Variants in IPO5 observed in about 807,000 individuals in gnomAD.
IPO5 encodes the protein importin 5.
A neutral mutation model predicts 143.3 loss-of-function variants in IPO5; 18 were observed. The ratio of observed to expected loss-of-function variants is 0.13; its 90% CI spans 0.09 to 0.19. The LOEUF (loss-of-function observed/expected upper bound fraction) is 0.19. IPO5 is among the 10% of genes least tolerant of loss of function. The pLI is 1.00. For missense variants in IPO5, 1,013 were observed against 1,336.9 expected (o/e 0.76, Z 3.78); for synonymous variants, 477 against 465.7 (o/e 1.02, Z -0.31).
rs1594110293 is a variant in IPO5 at position 98,006,228 on chromosome 13, T to C, written c.1596T>C (p.Asp532=). ...TAEEKFVPYY[D]LFMPSLKHIV... is the part of the protein sequence containing the mutation. ...AAGAAAAATTTGTCCCCTACTATGA[T>C]TTATTTATGCCATCACTGAAGCACA... The change falls in exon 17 of 29, where the codon GAT becomes GAC. Residue 532 remains aspartate (D), a synonymous_variant. Coordinates refer to ENST00000651721, the MANE Select transcript of IPO5 (RefSeq NM_002271.6). 1 of 1,613,768 alleles carries C rather than the reference T, an allele frequency of 6.2e-7. No individual in the cohort carries two copies. Among genetic ancestry groups the C allele is most frequent in the Non-Finnish European group, 8.5e-7 (1 of 1,179,734 alleles).
At chr13:97,986,378 G>A (rs1432557280) in intron 6 of IPO5, among the ~76,000 whole-genome samples, 2 of 150,242 alleles carry the variant, frequency 1.3e-5, no homozygotes, top group East Asian at 2.0e-4. Flanking sequence ...TTTTTGAGAC[G>A]GAGTTTCGCT....
intron 12 of IPO5, among the ~76,000 whole-genome samples, chr13:98,000,284 C>G (rs75065502): frequency 8.4e-6 from 1 of 118,652 alleles, no homozygotes; most frequent in African/African-American, 3.2e-5. Flanking sequence ...GACTCTGTCT[C>G]AAAAAAAAAA....
At chr13:97,977,297 C>T (rs535073174) in intron 4 of IPO5, among the ~76,000 whole-genome samples, 1 of 152,190 alleles carries the variant, frequency 6.6e-6, no homozygotes, top group African/African-American at 2.4e-5. Context: ...AAATATGTGC[C>T]CTGCCTTGTC....
At position 97,974,525 on chromosome 13, in the gene IPO5, G is replaced by C. The variant is rs531778471; in HGVS notation, c.-4-2168G>C. ...GGCTTTCACCATGTTGGCCAGGCTCGTCTCGAACTCCTGACCTCAGGTGAT... is the reference window on the plus strand; with the variant it reads ...GGCTTTCACCATGTTGGCCAGGCTCCTCTCGAACTCCTGACCTCAGGTGAT... On this transcript the variant is annotated intron_variant, in intron 3 of 28. Transcript: ENST00000651721. Among the ~76,000 whole-genome samples the C allele has an allele frequency of 7.2e-5, 11 of 151,816 alleles. No homozygotes were observed. In the East Asian group the frequency reaches 1.9e-3, roughly 27 times the overall value.
At chr13:98,011,373 C>T (rs1889700927) in intron 20 of IPO5, among the ~76,000 whole-genome samples, 1 of 152,154 alleles carries the variant, frequency 6.6e-6, no homozygotes, top group Admixed American at 6.5e-5. Flanking sequence ...TCACTGCAGC[C>T]TCCGTCTCCT....
In IPO5 at chr13:97,990,175, A is replaced by G; in HGVS notation, c.517A>G (p.Ile173Val). The change falls in exon 8 of 29, where the codon ATC (isoleucine) becomes GTC (valine). Residue 173 changes from isoleucine to valine, a missense_variant. By Grantham distance (29) the Ile-to-Val change is conservative. Around this residue, in one of 2 missense-constraint regions of IPO5, gnomAD observed 328 missense variants for 342.0 expected, o/e 0.96. Transcript: ENST00000651721. ...GNQQQHYLDVIKRMLVQCMQD... is the reference protein window; with the variant it reads ...GNQQQHYLDVVKRMLVQCMQD... ...CCAGCAACAACACTATTTAGATGTC[A>G]TCAAACGAATGTTAGTTCAGTGTAT... 1 of 1,613,382 alleles carries G rather than the reference A, an allele frequency of 6.2e-7. No homozygotes were observed. Among genetic ancestry groups the G allele is most frequent in the Non-Finnish European group, 8.5e-7 (1 of 1,179,410 alleles).
Position 97,993,195 on chromosome 13 carries a change from A to G in IPO5, c.883A>G (p.Arg295Gly). ...TLSETAAAML[R>G]KHTNIVAQTI... is the part of the protein sequence containing the mutation. ...CTCTGAGACTGCAGCTGCTATGTTA[A>G]GAAAACATACCAATATTGTTGCACA... is the stretch of plus-strand genomic sequence containing the variant. Residue 295 changes from arginine to glycine, a missense_variant, in exon 11 of 29, where the codon AGA (arginine) becomes GGA (glycine). Transcript: ENST00000651721. 1 of 1,613,944 alleles carries G rather than the reference A, an allele frequency of 6.2e-7. No homozygotes were observed. The highest frequency in any genetic ancestry group is 8.5e-7 in the Non-Finnish European group (1 of 1,179,830).
At chr13:97,964,596 C>G (rs1474780990) in intron 2 of IPO5, among the ~76,000 whole-genome samples, 3 of 151,962 alleles carry the variant, frequency 2.0e-5, no homozygotes, top group Middle Eastern at 3.4e-3. Flanking sequence ...TGCCACCACA[C>G]CCAGCTAATT....
chr13:98,012,545 A>G (rs1889792124), intron 21 of IPO5, among the ~76,000 whole-genome samples: 1 of 152,200 alleles, frequency 6.6e-6, no homozygotes, highest in Non-Finnish European at 1.5e-5. Context: ...AACGTGACCT[A>G]TCCTATGTTT....
intron 25 of IPO5, among the ~76,000 whole-genome samples, 156 bp downstream of exon 25, chr13:98,017,007 G>T (rs1890159416): frequency 6.6e-6 from 1 of 152,092 alleles, no homozygotes; most frequent in Non-Finnish European, 1.5e-5. Context: ...CATTACCCTG[G>T]ATATTTTCTC....
At chr13:98,013,670 C>T (rs1468209320) in intron 21 of IPO5, among the ~76,000 whole-genome samples, 1 of 151,994 alleles carries the variant, frequency 6.6e-6, no homozygotes, top group South Asian at 2.1e-4. Flanking sequence ...GGAAGAGGTC[C>T]TCGGTGGTCT....
At chr13:98,013,968 CT>C in intron 21 of IPO5, 73 bp from the exon 22 acceptor site, 1 of 1,329,080 alleles carries the variant, frequency 7.5e-7, no homozygotes, top group Non-Finnish European at 1.0e-6. Flanking sequence ...CCTAGCACTC[CT>C]TTTAGTGCAT....
At chr13:98,008,023 G>C (rs1345329844) in intron 17 of IPO5, 36 bp from the exon 18 acceptor site, 1 of 1,338,446 alleles carries the variant, frequency 7.5e-7, no homozygotes, top group African/African-American at 1.4e-5. Context: ...ACAAAATTCG[G>C]TATCAACAAG....
In IPO5 at chr13:97,982,483, ATTT is replaced by A; in HGVS notation, c.91-11_91-9del. 7 of 1,218,636 alleles carry A rather than the reference ATTT, an allele frequency of 5.7e-6. No individual in the cohort carries two copies. Among genetic ancestry groups the A allele is most frequent in the Non-Finnish European group, 7.9e-6 (7 of 882,448 alleles). 75.5% of individuals were successfully genotyped at this position (1,218,636 alleles called of 1,614,324 possible). ...AGTTTCCTAACATTCTTTCCTAACCATTTTTTTTTTTCCATGCAGGAAACCTAT... is the reference window on the plus strand; with the variant it reads ...AGTTTCCTAACATTCTTTCCTAACCATTTTTTTTCCATGCAGGAAACCTAT... On this transcript the variant is annotated splice_polypyrimidine_tract_variant and intron_variant, in intron 4 of 28. Transcript: ENST00000651721.
In IPO5 at chr13:97,964,447, T is replaced by C. The variant is rs992331279; in HGVS notation, c.-112-5276T>C. ...TTTTCCCAGCACCATTTCTTTCTTTTTTTTTTTTTTTTTTTTTGGAGAATG... is the reference window on the plus strand; with the variant it reads ...TTTTCCCAGCACCATTTCTTTCTTTCTTTTTTTTTTTTTTTTTGGAGAATG... On this transcript the variant is annotated intron_variant, in intron 2 of 28. Coordinates refer to ENST00000651721, the MANE Select transcript of IPO5 (RefSeq NM_002271.6). 2.0e-3 allele frequency among the ~76,000 whole-genome samples: 270 copies of C among 138,428 alleles called. 3 individuals carry two copies. Among genetic ancestry groups the C allele is most frequent in the African/African-American group, 4.5e-3 (158 of 34,914 alleles). The allele number at this position is 138,428 out of a possible 152,430, so 90.8% of individuals were successfully genotyped here. A position where few individuals can be genotyped will look rare whatever the true frequency, so the allele number is the denominator to read the frequency against.
chr13:97,988,457 A>C (rs1278437666), intron 6 of IPO5, among the ~76,000 whole-genome samples: 1 of 152,194 alleles, frequency 6.6e-6, no homozygotes. Context: ...TGTACAGTTA[A>C]AAGTGCTGCC....
intron 2 of IPO5, among the ~76,000 whole-genome samples, chr13:97,966,159 A>G (rs928445812): frequency 2.0e-5 from 3 of 150,924 alleles, no homozygotes; most frequent in Non-Finnish European, 3.0e-5. Flanking sequence ...AAAAAAATAG[A>G]ACTTCCAGTA....
chr13:97,985,658 C>G (rs201082178), intron 6 of IPO5, 45 bp downstream of exon 6: 2 of 1,253,164 alleles, frequency 1.6e-6, no homozygotes, highest in Non-Finnish European at 2.2e-6. Context: ...ATGGGTATAT[C>G]CTTCCTTTTT....
At chr13:97,997,400 G>T (rs1888384961) in intron 11 of IPO5, 131 bp from the exon 12 acceptor site, 1 of 456,974 alleles carries the variant, frequency 2.2e-6, no homozygotes. Context: ...AGGTTTTGGG[G>T]GCACAGACAA....
Sources: allele counts gnomAD v4.1 joint callset (sites outside exome capture counted in the v4.1 genomes callset), GRCh38; gene constraint gnomAD v4.1.1; regional missense constraint gnomAD v4.1.1; transcripts MANE v1.5; gene names NCBI Gene and HGNC (gene_info 2026-07-23, HGNC 2026-07-21).